The following IGSF3 variants were observed in gnomAD, a reference collection of about 807,000 sequenced individuals.
IGSF3 encodes the protein immunoglobulin superfamily member 3, also known as glu-Trp-Ile EWI motif-containing protein 3.
A neutral mutation model predicts 114.4 loss-of-function variants in IGSF3; 23 were observed. The ratio of observed to expected loss-of-function variants is 0.20; its 90% CI spans 0.14 to 0.28. The LOEUF (loss-of-function observed/expected upper bound fraction) is 0.28, where lower values mean the gene tolerates loss of function less well. Among genes scored for constraint, IGSF3 ranks in the 10% least tolerant of loss-of-function variants. IGSF3 has a pLI of 1.00. For missense variants in IGSF3, 1,172 were observed against 1,591.5 expected, an observed-to-expected ratio of 0.74 and a Z score of 4.48; for synonymous variants, 571 against 645.2, an observed-to-expected ratio of 0.88 and a Z score of 1.74.
Position 116,616,192 on chromosome 1 carries a change from G to C in IGSF3, c.309C>G (p.Thr103=), listed in dbSNP as rs1235160671. The change falls in exon 3 of 11, where the codon ACC becomes ACG. Residue 103 remains threonine (T), a synonymous_variant. Transcript: ENST00000369486. The surrounding 1 kb of genome is among the most constrained non-coding windows in gnomAD (Gnocchi z 6.6). ...IFIERVQGNS[T]LLHITDLQAR... ...CCTGAAGATCTGTGATGTGCAATAG[G>C]GTTGAGTTCCCCTGGACTCTTTCTA... The C allele has an allele frequency of 1.9e-6, 3 of 1,613,860 alleles. No homozygotes were observed. The highest frequency in any genetic ancestry group is 2.5e-6 in the Non-Finnish European group (3 of 1,179,860).
intron 2 of IGSF3, among the ~76,000 whole-genome samples, chr1:116,620,052 A>T (rs1410373407): frequency 2.0e-5 from 3 of 152,244 alleles, no homozygotes; most frequent in Non-Finnish European, 4.4e-5. Flanking sequence ...CATGTTTGCT[A>T]TATAAAATTC....
rs1178331101 is a variant in IGSF3 at position 116,657,850 on chromosome 1, A to G, written c.43+8434T>C. On this transcript the variant is annotated intron_variant, in intron 2 of 10. Coordinates refer to ENST00000369486, the MANE Select transcript of IGSF3 (RefSeq NM_001007237.3). This position sits in a 1 kb window ranked among gnomAD's most constrained non-coding sequence, Gnocchi z 4.2. ...AAATACACAAAAATAGCACCAACTT[A>G]AGGCAAGCCTGGGCAAACTGCACTA... Among the ~76,000 whole-genome samples the G allele has an allele frequency of 6.6e-6, 1 of 152,186 alleles. No individual in the cohort carries two copies. Among genetic ancestry groups the G allele is most frequent in the Non-Finnish European group, 1.5e-5 (1 of 68,020 alleles).
intron 2 of IGSF3, among the ~76,000 whole-genome samples, chr1:116,653,647 C>T (rs1396760237): frequency 6.6e-6 from 1 of 152,188 alleles, no homozygotes; most frequent in Non-Finnish European, 1.5e-5. Context: ...CACCCTCTAC[C>T]CACCCAGGTC....
Position 116,665,211 on chromosome 1 carries a change from AC to A in IGSF3, c.43+1072del, listed in dbSNP as rs1424177966. Among the ~76,000 whole-genome samples, 2 of 152,156 alleles carry A rather than the reference AC, an allele frequency of 1.3e-5. No individual in the cohort carries two copies. Among genetic ancestry groups the A allele is most frequent in the Non-Finnish European group, 2.9e-5 (2 of 68,032 alleles). ...TCCATTCTCTTCCCACACACCTGTT[AC>A]CTACTGCAAGGGTGTAGACAATGCA... is the stretch of plus-strand genomic sequence containing the variant. On this transcript the variant is annotated intron_variant, in intron 2 of 10. Transcript: ENST00000369486. This position sits in a 1 kb window ranked among gnomAD's most constrained non-coding sequence, Gnocchi z 4.0.
intron 6 of IGSF3, among the ~76,000 whole-genome samples, chr1:116,601,493 G>A (rs2101435970): frequency 6.6e-6 from 1 of 151,986 alleles, no homozygotes; most frequent in South Asian, 2.1e-4. Context: ...ATAAATCAGT[G>A]TTTATAAATA....
intron 7 of IGSF3, among the ~76,000 whole-genome samples, chr1:116,591,964 TAACA>T: frequency 6.6e-6 from 1 of 152,340 alleles, no homozygotes; most frequent in Non-Finnish European, 1.5e-5. Context: ...ACCTGGGATA[TAACA>T]AACACCCAGT....
chr1:116,584,417 A>C lies in IGSF3; in HGVS notation c.2848+228T>G, dbSNP rs762916858. 2 of 514,398 alleles carry C rather than the reference A, an allele frequency of 3.9e-6. No individual in the cohort carries two copies. Among genetic ancestry groups the C allele is most frequent in the Non-Finnish European group, 6.9e-6 (2 of 289,898 alleles). 31.9% of individuals were successfully genotyped at this position (514,398 alleles called of 1,614,324 possible). A position where few individuals can be genotyped will look rare whatever the true frequency, so the allele number is the denominator to read the frequency against. ...CTGGAATAATTAATGGCCAGATTTT[A>C]TTCTATTTAAGAAATCAAATCACCT... On this transcript the variant is annotated intron_variant, in intron 9 of 10. Coordinates refer to ENST00000369486, the MANE Select transcript of IGSF3 (RefSeq NM_001007237.3). The surrounding 1 kb of genome is among the most constrained non-coding windows in gnomAD (Gnocchi z 5.8).
At position 116,595,964 on chromosome 1, in the gene IGSF3, G is replaced by C. The variant is rs752590911; in HGVS notation, c.2029+3977C>G. Reference sequence around the variant, plus strand: ...GATCAATGGGGATCAGACTAAGCTAGATCAATGGCAACGTTGACAGTGATG... The same window carrying C: ...GATCAATGGGGATCAGACTAAGCTACATCAATGGCAACGTTGACAGTGATG... On this transcript the variant is annotated intron_variant, in intron 7 of 10. Coordinates refer to ENST00000369486, the MANE Select transcript of IGSF3 (RefSeq NM_001007237.3). The surrounding 1 kb of genome is among the most constrained non-coding windows in gnomAD (Gnocchi z 4.2). Among the ~76,000 whole-genome samples, 1 of 152,244 alleles carries C rather than the reference G, an allele frequency of 6.6e-6. No homozygotes were observed. Among genetic ancestry groups the C allele is most frequent in the South Asian group, 2.1e-4 (1 of 4,828 alleles).
chr1:116,626,009 GCTGCTGC>G (rs1224022979), intron 2 of IGSF3, among the ~76,000 whole-genome samples: 2 of 152,212 alleles, frequency 1.3e-5, no homozygotes, highest in African/African-American at 4.8e-5. Flanking sequence ...CTGCTTCTAA[GCTGCTGC>G]CTAATTCCCT....
chr1:116,611,098 T>C (rs1417163524), intron 4 of IGSF3, among the ~76,000 whole-genome samples: 1 of 152,170 alleles, frequency 6.6e-6, no homozygotes, highest in Non-Finnish European at 1.5e-5. Flanking sequence ...TAGCTCTTAT[T>C]AGCTCTTTTC....
chr1:116,616,216 T>G lies in IGSF3; in HGVS notation c.285A>C (p.Ile95=). 1 of 1,613,942 alleles carries G rather than the reference T, an allele frequency of 6.2e-7. No homozygotes were observed. The highest frequency in any genetic ancestry group is 8.5e-7 in the Non-Finnish European group (1 of 1,179,874). Residue 95 remains isoleucine, a synonymous_variant, in exon 3 of 11, where the codon ATA becomes ATC. Transcript: ENST00000369486. The surrounding 1 kb of genome is among the most constrained non-coding windows in gnomAD (Gnocchi z 6.6). ...TQRVRGGKIF[I]ERVQGNSTLL... The stretch of plus-strand genomic sequence containing the variant: ...GGGTTGAGTTCCCCTGGACTCTTTC[T>G]ATGAAGATCTTCCCTCCGCGGACGC...
Position 116,647,667 on chromosome 1 carries a change from G to T in IGSF3, c.43+18617C>A, listed in dbSNP as rs1033856618. ...GCTGGCTCCATAACAAATGTTGATTGAATGTTGTCTGGGCGGACAGAGGCA... is the reference window on the plus strand; with the variant it reads ...GCTGGCTCCATAACAAATGTTGATTTAATGTTGTCTGGGCGGACAGAGGCA... On this transcript the variant is annotated intron_variant, in intron 2 of 10. Coordinates refer to ENST00000369486, the MANE Select transcript of IGSF3 (RefSeq NM_001007237.3). This position sits in a 1 kb window ranked among gnomAD's most constrained non-coding sequence, Gnocchi z 4.6. 6.6e-6 allele frequency among the ~76,000 whole-genome samples: 1 copy of T among 152,210 alleles called. No homozygotes were observed. The highest frequency in any genetic ancestry group is 2.4e-5 in the African/African-American group (1 of 41,444).
rs1470327339 is a variant in IGSF3, at chr1:116,650,295, G to A, written c.43+15989C>T. 1.3e-5 allele frequency among the ~76,000 whole-genome samples: 2 copies of A among 152,122 alleles called. No individual in the cohort carries two copies. The highest frequency in any genetic ancestry group is 2.9e-5 in the Non-Finnish European group (2 of 68,020). On this transcript the variant is annotated intron_variant, in intron 2 of 10. Transcript: ENST00000369486. This position sits in a 1 kb window ranked among gnomAD's most constrained non-coding sequence, Gnocchi z 5.0. ...CTCAGGGTTTTTCCCATCTCTTCCC[G>A]TCTGCTGGCCTCAACAAACCTGCTT...
chr1:116,653,497 A>T (rs962787466), intron 2 of IGSF3, among the ~76,000 whole-genome samples: 22 of 152,220 alleles, frequency 1.4e-4, no homozygotes, highest in African/African-American at 4.8e-4. Context: ...CAAATATGGG[A>T]AATTACAGCT....
chr1:116,628,313 C>CA lies in IGSF3; in HGVS notation c.44-11857dup, dbSNP rs1647396545. 6.6e-6 allele frequency among the ~76,000 whole-genome samples: 1 copy of CA among 152,200 alleles called. No homozygotes were observed. The highest frequency in any genetic ancestry group is 2.4e-5 in the African/African-American group (1 of 41,452). On this transcript the variant is annotated intron_variant, in intron 2 of 10. Transcript: ENST00000369486. The surrounding 1 kb of genome is among the most constrained non-coding windows in gnomAD (Gnocchi z 4.2). ...CCATAGTTTCTGTGCTCCAAATACT[C>CA]AGCTTACACATGCCTGTTGCTGCTG...
rs3965219 is a variant in IGSF3 at position 116,594,757 on chromosome 1, C to T, written c.2029+5184G>A. On this transcript the variant is annotated intron_variant, in intron 7 of 10. Coordinates refer to ENST00000369486, the MANE Select transcript of IGSF3 (RefSeq NM_001007237.3). This position sits in a 1 kb window ranked among gnomAD's most constrained non-coding sequence, Gnocchi z 5.2. ...GCCAGCTTGCCTGGGGGTGAACCCT[C>T]CCCAGACCCCATGCTTTAGTCATCT... 6.6e-6 allele frequency among the ~76,000 whole-genome samples: 1 copy of T among 152,106 alleles called. No individual in the cohort carries two copies. The highest frequency in any genetic ancestry group is 1.9e-4 in the East Asian group (1 of 5,184).
At chr1:116,578,079 C>T (rs554853524) in intron 10 of IGSF3, among the ~76,000 whole-genome samples, 1 of 152,306 alleles carries the variant, frequency 6.6e-6, no homozygotes, top group South Asian at 2.1e-4. Context: ...CACTTACAAA[C>T]GTCCACAGTG....
chr1:116,599,941 C>G lies in IGSF3; in HGVS notation c.2029G>C (p.Val677Leu), dbSNP rs140588218. ...TAGCCCACAGGTCCGCAGCACTCACCTGGCTGCAGCACCCTGATCTCCAGC... is the reference window on the plus strand; with the variant it reads ...TAGCCCACAGGTCCGCAGCACTCACGTGGCTGCAGCACCCTGATCTCCAGC... Reference protein sequence around the residue: ...NLLEIRVLQPVTKLQVSKSKR... With the variant: ...NLLEIRVLQPLTKLQVSKSKR... Residue 677 changes from valine (V) to leucine (L), a missense_variant and splice_region_variant, in exon 7 of 11, where the codon GTG (valine) becomes CTG (leucine). Physicochemically the swap from Val to Leu is conservative, Grantham distance 32. Around this residue, in one of 3 missense-constraint regions of IGSF3, gnomAD observed 736 missense variants for 1,042.0 expected, o/e 0.71. Transcript: ENST00000369486. 4 of 1,609,132 alleles carry G rather than the reference C, an allele frequency of 2.5e-6. No homozygotes were observed. Among genetic ancestry groups the G allele is most frequent in the Non-Finnish European group, 2.5e-6 (3 of 1,176,730 alleles).
rs1388940462 is a variant in IGSF3, at chr1:116,576,798, G to A, written c.*514C>T. The A allele has an allele frequency of 6.5e-6, 1 of 153,238 alleles. No individual in the cohort carries two copies. The highest frequency in any genetic ancestry group is 1.5e-5 in the Non-Finnish European group (1 of 68,564). The allele number at this position is 153,238 out of a possible 1,614,324, so 9.5% of individuals were successfully genotyped here. On this transcript the variant is annotated 3_prime_UTR_variant, in exon 11 of 11. Transcript: ENST00000369486. The surrounding 1 kb of genome is among the most constrained non-coding windows in gnomAD (Gnocchi z 4.6). ...CTTGTTAAGAAAGTAAAAAACGTTT[G>A]GGTATATTTTGATCCATGGGTGGCA...
Sources: allele counts gnomAD v4.1 joint callset (sites outside exome capture counted in the v4.1 genomes callset), GRCh38; gene constraint gnomAD v4.1.1; regional missense constraint gnomAD v4.1.1; non-coding constraint Gnocchi (gnomAD v3.1); transcripts MANE v1.5; gene names NCBI Gene and HGNC (gene_info 2026-07-23, HGNC 2026-07-21).